Variants in SNX29 observed in about 807,000 individuals in gnomAD.
SNX29 encodes sorting nexin-29.
A neutral mutation model predicts 102.1 loss-of-function variants in SNX29; 78 were observed. The ratio of observed to expected loss-of-function variants is 0.76; its 90% CI spans 0.64 to 0.92. The LOEUF (loss-of-function observed/expected upper bound fraction) is 0.92, where lower values mean the gene tolerates loss of function less well. Ranked by LOEUF, SNX29 falls within the 40% of genes least tolerant of loss-of-function variation. The pLI, the probability that SNX29 is intolerant of heterozygous loss-of-function variation, is 0.00. For missense variants in SNX29, 1,280 were observed against 1,061.7 expected (o/e 1.21, Z -2.86); for synonymous variants, 580 against 414.5 (o/e 1.40, Z -4.85).
chr16:12,461,575 G>T (rs75400927), intron 18 of SNX29, among the ~76,000 whole-genome samples: 1 of 152,020 alleles, frequency 6.6e-6, no homozygotes, highest in African/African-American at 2.4e-5. Context: ...CCTCCCATCC[G>T]TCACAGCAAT....
At chr16:12,035,524 ACTCTG>A (rs2057450567) in intron 4 of SNX29, among the ~76,000 whole-genome samples, 1 of 151,982 alleles carries the variant, frequency 6.6e-6, no homozygotes, top group Non-Finnish European at 1.5e-5. Flanking sequence ...CCTTGTTGGC[ACTCTG>A]CTCTGCCAAT....
chr16:12,562,924 C>T (rs887872956), intron 20 of SNX29, among the ~76,000 whole-genome samples: 5 of 152,084 alleles, frequency 3.3e-5, no homozygotes, highest in African/African-American at 4.8e-5. Context: ...GTCCATGTTG[C>T]CAAAAACCTG....
chr16:12,024,572 G>C (rs1196576520), intron 3 of SNX29, among the ~76,000 whole-genome samples: 1 of 152,196 alleles, frequency 6.6e-6, no homozygotes, highest in Non-Finnish European at 1.5e-5. Context: ...CTAATTAAAA[G>C]ACTAGCATCC....
At chr16:12,366,042 CAA>C (rs55895030) in intron 16 of SNX29, among the ~76,000 whole-genome samples, 1,012 of 72,140 alleles carry the variant, frequency 0.014, 8 homozygotes, top group African/African-American at 0.042. Context: ...ACTCTTGTCT[CAA>C]AAAAAAAAAA....
intron 18 of SNX29, among the ~76,000 whole-genome samples, chr16:12,437,835 A>G (rs1285343688): frequency 2.0e-5 from 3 of 152,108 alleles, no homozygotes; most frequent in Non-Finnish European, 4.4e-5. Flanking sequence ...TGGCCTTCCA[A>G]ACCACTCTGG....
rs78710639 is a variant in SNX29 at position 12,538,852 on chromosome 16, C to T, written c.2318+14011C>T. 6.2e-3 allele frequency among the ~76,000 whole-genome samples: 942 copies of T among 152,202 alleles called. 24 individuals are homozygous for T. In the East Asian group the frequency reaches 0.092, roughly 15 times the overall value. On this transcript the variant is annotated intron_variant, in intron 20 of 20. Coordinates refer to ENST00000566228, the MANE Select transcript of SNX29 (RefSeq NM_032167.5). ...TGCAAAGTCACGTGGCAAAGAGGGG[C>T]ACAGAGAACGGTAGATGGGGCCATT...
At chr16:12,249,537 G>A (rs929423161) in intron 14 of SNX29, among the ~76,000 whole-genome samples, 1 of 152,198 alleles carries the variant, frequency 6.6e-6, no homozygotes, top group African/African-American at 2.4e-5. Context: ...CAGGCCACTG[G>A]TCTAACCACT....
At chr16:12,410,415 C>T (rs1305935605) in intron 18 of SNX29, among the ~76,000 whole-genome samples, 1 of 152,136 alleles carries the variant, frequency 6.6e-6, no homozygotes, top group Non-Finnish European at 1.5e-5. Context: ...ATCTCCCATC[C>T]TGCAGAACAA....
At chr16:12,031,544 T>C (rs1450187892) in intron 4 of SNX29, among the ~76,000 whole-genome samples, 6 of 151,700 alleles carry the variant, frequency 4.0e-5, no homozygotes, top group African/African-American at 7.2e-5. Context: ...TGGTGGCTCA[T>C]GCCTGTAATC....
At position 12,508,254 on chromosome 16, in the gene SNX29, C is replaced by G. The variant is rs534844118; in HGVS notation, c.2179-16448C>G. Reference sequence around the variant, plus strand: ...ATCGGCAAGGTCACGCATCCCCGGCCCTGCTCCGGAGGGCGAGCTGGGCCC... The same window carrying G: ...ATCGGCAAGGTCACGCATCCCCGGCGCTGCTCCGGAGGGCGAGCTGGGCCC... On this transcript the variant is annotated intron_variant, in intron 19 of 20. Transcript: ENST00000566228. Among the ~76,000 whole-genome samples the G allele has an allele frequency of 1.2e-4, 18 of 152,276 alleles. No individual in the cohort carries two copies. In the South Asian group the frequency reaches 3.7e-3, roughly 32 times the overall value.
intron 13 of SNX29, among the ~76,000 whole-genome samples, chr16:12,173,529 T>C (rs1760322981): frequency 6.6e-6 from 1 of 152,220 alleles, no homozygotes; most frequent in African/African-American, 2.4e-5. Context: ...AGTGAGGTCT[T>C]GAATCTGTAT....
At chr16:12,445,275 A>G (rs1203309591) in intron 18 of SNX29, among the ~76,000 whole-genome samples, 2 of 152,154 alleles carry the variant, frequency 1.3e-5, no homozygotes, top group African/African-American at 2.4e-5. Context: ...CAGAGCCCGT[A>G]TTATCCACAA....
chr16:12,380,231 A>G (rs62039998), intron 16 of SNX29, among the ~76,000 whole-genome samples: 79,928 of 146,652 alleles, frequency 0.55, 22,413 homozygotes, highest in East Asian at 0.72. Flanking sequence ...AGGAGGGTAC[A>G]GGCTTAGACA....
intron 18 of SNX29, among the ~76,000 whole-genome samples, chr16:12,441,305 G>A (rs2085798568): frequency 1.3e-5 from 2 of 151,910 alleles, no homozygotes; most frequent in South Asian, 4.2e-4. Flanking sequence ...AGTCAGGATG[G>A]TACCAATCTC....
chr16:12,187,961 A>G (rs1567292084), intron 13 of SNX29, among the ~76,000 whole-genome samples: 1 of 152,196 alleles, frequency 6.6e-6, no homozygotes, highest in Non-Finnish European at 1.5e-5. Context: ...ACCATGCCCT[A>G]GGAGTTAGCT....
chr16:12,327,762 G>A (rs1352819042), intron 15 of SNX29, among the ~76,000 whole-genome samples: 1 of 152,150 alleles, frequency 6.6e-6, no homozygotes, highest in East Asian at 1.9e-4. Context: ...AAGTCAGGCT[G>A]TTGATGCTTG....
chr16:11,992,766 C>T (rs1330018099), intron 1 of SNX29, among the ~76,000 whole-genome samples: 8 of 152,302 alleles, frequency 5.3e-5, no homozygotes, highest in South Asian at 2.1e-4. Context: ...TTTCTTTTCT[C>T]GCTTGTACCT....
intron 19 of SNX29, among the ~76,000 whole-genome samples, chr16:12,509,502 C>A (rs1245504095): frequency 6.6e-6 from 1 of 152,194 alleles, no homozygotes; most frequent in African/African-American, 2.4e-5. Flanking sequence ...TCTTTCAGGG[C>A]AGAACATGTC....
chr16:12,386,023 C>G (rs904685213), intron 16 of SNX29, among the ~76,000 whole-genome samples: 1 of 152,210 alleles, frequency 6.6e-6, no homozygotes, highest in Non-Finnish European at 1.5e-5. Context: ...CAGGCAGGGG[C>G]GGCCTCAGCT....
Sources: gnomAD v4.1 joint callset for allele counts (sites outside exome capture counted in the v4.1 genomes callset) on GRCh38, gnomAD v4.1.1 for gene constraint, MANE v1.5 for transcripts, NCBI Gene and HGNC (gene_info 2026-07-23, HGNC 2026-07-21) for gene names.